Variants in TRIO observed in about 807,000 individuals in gnomAD.
The protein encoded by TRIO is triple functional domain protein.
A neutral mutation model predicts 351.9 loss-of-function variants in TRIO; 58 were observed. The ratio of observed to expected loss-of-function variants is 0.16; its 90% confidence interval spans 0.13 to 0.21. The LOEUF (loss-of-function observed/expected upper bound fraction) is 0.21. TRIO is among the 10% of genes least tolerant of loss of function. TRIO has a pLI of 1.00. For synonymous variants in TRIO, 1,758 were observed against 1,595.7 expected, an observed-to-expected ratio of 1.10 and a Z score of -2.42; for missense variants, 3,201 against 4,027.8, an observed-to-expected ratio of 0.79 and a Z score of 5.56.
In TRIO at chr5:14,487,801, C is replaced by A. The variant is rs1756073044; in HGVS notation, c.7173C>A (p.Ser2391Arg). The change falls in exon 48 of 57, where the codon AGC (serine) becomes AGA (arginine). Residue 2391 changes from serine to arginine, a missense_variant. Coordinates refer to ENST00000344204, the MANE Select transcript of TRIO (RefSeq NM_007118.4). ...AAPEAGPSAP[S>R]RRPPGADAEG... ...CCGAGGCCGGCCCCAGCGCGCCCAG[C>A]AGGCGGCCCCCCGGCGCGGACGCCG... The A allele has an allele frequency of 4.3e-6, 6 of 1,408,870 alleles. No homozygotes were observed. In the East Asian group the frequency reaches 1.9e-4, roughly 45 times the overall value. The allele number at this position is 1,408,870 out of a possible 1,614,324, so 87.3% of individuals were successfully genotyped here. A position where few individuals can be genotyped will look rare whatever the true frequency, so the allele number is the denominator to read the frequency against.
At chr5:14,305,136 GTA>G (rs1231064745) in intron 8 of TRIO, among the ~76,000 whole-genome samples, 1 of 152,196 alleles carries the variant, frequency 6.6e-6, no homozygotes, top group East Asian at 1.9e-4. Flanking sequence ...CTCACGTACT[GTA>G]TCTGTTCCTG....
chr5:14,152,360 T>G (rs27496), intron 1 of TRIO, among the ~76,000 whole-genome samples: 42,704 of 151,128 alleles, frequency 0.28, 6,265 homozygotes, highest in East Asian at 0.46. Flanking sequence ...ATTTCAGTTT[T>G]TTTGTTTGTT....
At chr5:14,445,228 C>T (rs1022907119) in intron 34 of TRIO, among the ~76,000 whole-genome samples, 29 of 152,202 alleles carry the variant, frequency 1.9e-4, no homozygotes, top group African/African-American at 7.0e-4. Context: ...CTCTTCCTGT[C>T]TCCAAGGAGT....
chr5:14,357,214 G>C (rs1002266305), intron 11 of TRIO, among the ~76,000 whole-genome samples: 3 of 152,178 alleles, frequency 2.0e-5, no homozygotes, highest in Non-Finnish European at 4.4e-5. Flanking sequence ...CGTTGCACAG[G>C]GTATCAAGCG....
At chr5:14,409,834 CAAAAA>C (rs762403574) in intron 33 of TRIO, among the ~76,000 whole-genome samples, 1 of 82,124 alleles carries the variant, frequency 1.2e-5, no homozygotes, top group East Asian at 4.4e-4. Context: ...GACTCCATCT[CAAAAA>C]AAAAAAAAAA....
At chr5:14,213,393 C>A (rs1332457658) in intron 1 of TRIO, among the ~76,000 whole-genome samples, 1 of 149,424 alleles carries the variant, frequency 6.7e-6, no homozygotes, top group Non-Finnish European at 1.5e-5. Flanking sequence ...TATATATTAA[C>A]TTGATAATTA....
chr5:14,193,505 A>G (rs16903278), intron 1 of TRIO, among the ~76,000 whole-genome samples: 8,887 of 152,266 alleles, frequency 0.058, 848 homozygotes, highest in African/African-American at 0.2. Context: ...TGTGTATTCT[A>G]AAGCTGGCTA....
chr5:14,162,322 T>C (rs1788512432), intron 1 of TRIO, among the ~76,000 whole-genome samples: 1 of 152,144 alleles, frequency 6.6e-6, no homozygotes, highest in Admixed American at 6.5e-5. Flanking sequence ...GCCATAGAGA[T>C]ATTGTGTAGT....
At chr5:14,428,779 G>A (rs16903509) in intron 34 of TRIO, among the ~76,000 whole-genome samples, 11,379 of 152,140 alleles carry the variant, frequency 0.075, 612 homozygotes, top group African/African-American at 0.16. Flanking sequence ...AATGAGAAAC[G>A]GTCTTCCCAC....
chr5:14,381,349 T>A, intron 21 of TRIO, 97 bp downstream of exon 21: 1 of 1,438,586 alleles, frequency 7.0e-7, no homozygotes, highest in Non-Finnish European at 9.2e-7. Context: ...GAGAAAAGGA[T>A]GACCCAGTGG....
chr5:14,314,916 GT>G (rs1383218081), intron 8 of TRIO, among the ~76,000 whole-genome samples: 1 of 152,206 alleles, frequency 6.6e-6, no homozygotes, highest in Admixed American at 6.5e-5. Flanking sequence ...CTTTGGTTAT[GT>G]CAGCTGAGCT....
chr5:14,502,346 A>G (rs1243803965), intron 53 of TRIO, among the ~76,000 whole-genome samples: 2 of 152,240 alleles, frequency 1.3e-5, no homozygotes, highest in Non-Finnish European at 2.9e-5. Flanking sequence ...AGATTTCAAC[A>G]TGAAATCAAT....
At chr5:14,368,687 C>T in intron 16 of TRIO, 21 bp from the exon 17 acceptor site, 2 of 1,601,044 alleles carry the variant, frequency 1.2e-6, no homozygotes, top group Non-Finnish European at 1.7e-6. Flanking sequence ...ATAAGCCTTC[C>T]CTTTTGTTCT....
intron 36 of TRIO, among the ~76,000 whole-genome samples, chr5:14,464,903 C>T (rs1052102366): frequency 6.6e-6 from 1 of 152,106 alleles, no homozygotes; most frequent in African/African-American, 2.4e-5. Flanking sequence ...AACCCCTTTA[C>T]GCCCTCGATT....
chr5:14,445,723 C>A (rs950163837), intron 34 of TRIO, among the ~76,000 whole-genome samples: 2 of 152,230 alleles, frequency 1.3e-5, no homozygotes, highest in African/African-American at 4.8e-5. Context: ...AAGGCAACTT[C>A]CCCTTCCTCT....
At chr5:14,458,477 G>A (rs1753532813) in intron 34 of TRIO, among the ~76,000 whole-genome samples, 1 of 152,156 alleles carries the variant, frequency 6.6e-6, no homozygotes, top group South Asian at 2.1e-4. Flanking sequence ...TCCTCCTGTT[G>A]CCCCTTCTCA....
chr5:14,164,342 G>A (rs915581264), intron 1 of TRIO, among the ~76,000 whole-genome samples: 46 of 152,208 alleles, frequency 3.0e-4, no homozygotes, highest in Admixed American at 2.0e-4. Flanking sequence ...CATACTACAA[G>A]ACAAGGTTGG....
chr5:14,261,665 G>T (rs962385778), intron 1 of TRIO, among the ~76,000 whole-genome samples: 6 of 152,194 alleles, frequency 3.9e-5, no homozygotes, highest in African/African-American at 1.4e-4. Flanking sequence ...TTCCTGCTTA[G>T]ACACCACTTC....
chr5:14,484,068 A>AACTGCACTCATCCATCCCGGGC (rs560812934), intron 46 of TRIO, among the ~76,000 whole-genome samples: 8 of 151,318 alleles, frequency 5.3e-5, no homozygotes, highest in Non-Finnish European at 8.9e-5. Context: ...ATCCCCTGAG[A>AACTGCACTCATCCATCCCGGGC]ACTGCACTCA....
Sources: gnomAD v4.1 joint callset for allele counts (sites outside exome capture counted in the v4.1 genomes callset) on GRCh38, gnomAD v4.1.1 for gene constraint, MANE v1.5 for transcripts, NCBI Gene and HGNC (gene_info 2026-07-23, HGNC 2026-07-21) for gene names.